Variants in NAALADL2 observed in about 807,000 individuals in gnomAD.
The protein encoded by NAALADL2 is N-acetylated alpha-linked acidic dipeptidase like 2, also known as inactive N-acetylated-alpha-linked acidic dipeptidase-like protein 2.
A neutral mutation model predicts 87.2 loss-of-function variants in NAALADL2; 76 were observed. The observed-to-expected ratio is 0.87, with a 90% CI of 0.72 to 1.05. NAALADL2 has a LOEUF of 1.05. Among genes scored for constraint, NAALADL2 ranks in the 50% least tolerant of loss-of-function variants. NAALADL2 has a pLI of 0.00. For synonymous variants in NAALADL2, 354 were observed against 331.0 expected (o/e 1.07, Z -0.75); for missense variants, 1,089 against 945.8 (o/e 1.15, Z -1.99).
At chr3:174,558,611 G>A (rs1379387201) in intron 2 of NAALADL2, among the ~76,000 whole-genome samples, 3 of 151,964 alleles carry the variant, frequency 2.0e-5, no homozygotes, top group South Asian at 2.1e-4. Flanking sequence ...AAAATCTAAC[G>A]CTGCCGCTGA....
intron 1 of NAALADL2, among the ~76,000 whole-genome samples, chr3:174,904,496 A>G (rs1029219948): frequency 1.3e-5 from 2 of 151,946 alleles, no homozygotes. Flanking sequence ...AAAAGTTCCT[A>G]TACATTACTA....
intron 6 of NAALADL2, chr3:175,459,964 C>A (rs926515970): frequency 1.6e-5 from 5 of 304,086 alleles, no homozygotes; most frequent in African/African-American, 4.5e-5. Flanking sequence ...ACATTTTTAA[C>A]AGCCACACAT....
intron 1 of NAALADL2, among the ~76,000 whole-genome samples, chr3:174,946,435 A>G (rs1739427386): frequency 6.6e-6 from 1 of 152,042 alleles, no homozygotes; most frequent in African/African-American, 2.4e-5. Context: ...TGTAATGTTT[A>G]TGTCATTCTG....
chr3:174,449,007 A>T (rs990618847), intron 1 of NAALADL2, among the ~76,000 whole-genome samples: 1 of 152,220 alleles, frequency 6.6e-6, no homozygotes, highest in Non-Finnish European at 1.5e-5. Context: ...TCAGTTCTAT[A>T]GGATAATTGG....
chr3:174,477,394 T>C (rs1403063138), intron 1 of NAALADL2, among the ~76,000 whole-genome samples: 3 of 152,012 alleles, frequency 2.0e-5, no homozygotes, highest in African/African-American at 7.2e-5. Flanking sequence ...GAAATGAAAA[T>C]AAAATCCATA....
At chr3:174,487,693 G>C (rs1386672873) in intron 1 of NAALADL2, among the ~76,000 whole-genome samples, 1 of 145,630 alleles carries the variant, frequency 6.9e-6, no homozygotes, top group Non-Finnish European at 1.5e-5. Context: ...TGGAGTAAGA[G>C]TGTTTTTTTT....
intron 3 of NAALADL2, among the ~76,000 whole-genome samples, chr3:174,759,983 G>A (rs1379645733): frequency 6.6e-6 from 1 of 152,194 alleles, no homozygotes; most frequent in Non-Finnish European, 1.5e-5. Flanking sequence ...ACAGGCATGA[G>A]CCACTGTGCT....
chr3:175,325,175 C>A (rs1468893541), intron 5 of NAALADL2, among the ~76,000 whole-genome samples: 1 of 151,944 alleles, frequency 6.6e-6, no homozygotes, highest in Admixed American at 6.6e-5. Context: ...CAAAAAATCG[C>A]AAAAGAATTT....
chr3:174,929,159 A>G (rs1736505506), intron 1 of NAALADL2, among the ~76,000 whole-genome samples: 1 of 152,210 alleles, frequency 6.6e-6, no homozygotes. Context: ...ATGCCAAAGC[A>G]CTAAGGCTGG....
chr3:174,982,172 G>A (rs1745212403), intron 1 of NAALADL2, among the ~76,000 whole-genome samples: 2 of 152,208 alleles, frequency 1.3e-5, no homozygotes, highest in Non-Finnish European at 2.9e-5. Context: ...GTGTTTGAAG[G>A]AGGCAGTTTT....
intron 10 of NAALADL2, among the ~76,000 whole-genome samples, chr3:175,607,581 G>T (rs568460419): frequency 9.2e-5 from 14 of 152,134 alleles, no homozygotes; most frequent in African/African-American, 3.4e-4. Context: ...ACTAGTTCCT[G>T]TTTTTTCAAG....
At chr3:175,787,640 C>T (rs1024166967) in intron 13 of NAALADL2, among the ~76,000 whole-genome samples, 1 of 152,120 alleles carries the variant, frequency 6.6e-6, no homozygotes, top group African/African-American at 2.4e-5. Flanking sequence ...GAACCCGGTA[C>T]CTCAGATGGA....
intron 1 of NAALADL2, among the ~76,000 whole-genome samples, chr3:175,011,263 G>GAGAGGGAGAGAGAGAGAGAGAGAGAGA (rs1560472148): frequency 1.1e-5 from 1 of 87,966 alleles, no homozygotes; most frequent in African/African-American, 4.9e-5. Context: ...AGAGAGAGAG[G>GAGAGGGAGAGAGAGAGAGAGAGAGAGA]GAGAGAGACA....
chr3:174,787,597 A>ATG (rs1716884968), intron 3 of NAALADL2, among the ~76,000 whole-genome samples: 4 of 75,720 alleles, frequency 5.3e-5, no homozygotes, highest in African/African-American at 1.8e-4. Flanking sequence ...ATATATATAT[A>ATG]TATATATATA....
chr3:175,223,137 G>A (rs557862250), intron 2 of NAALADL2, among the ~76,000 whole-genome samples: 1 of 128,258 alleles, frequency 7.8e-6, no homozygotes, highest in African/African-American at 2.7e-5. Context: ...TGTGTGGTAA[G>A]GACACTGTTC....
At chr3:174,785,026 A>G (rs1375521378) in intron 3 of NAALADL2, among the ~76,000 whole-genome samples, 2 of 151,832 alleles carry the variant, frequency 1.3e-5, no homozygotes, top group Admixed American at 1.3e-4. Context: ...TTTTGTTATA[A>G]TTTTATCTTT....
chr3:175,420,834 A>G (rs982289622), intron 5 of NAALADL2, among the ~76,000 whole-genome samples: 7 of 152,028 alleles, frequency 4.6e-5, no homozygotes, highest in Non-Finnish European at 1.0e-4. Context: ...AACTGGCAAT[A>G]AAACCAGTGA....
intron 1 of NAALADL2, among the ~76,000 whole-genome samples, chr3:174,538,197 C>T (rs1462002124): frequency 6.6e-6 from 1 of 152,090 alleles, no homozygotes; most frequent in African/African-American, 2.4e-5. Context: ...CTTTTAGATT[C>T]ACAATGAGAG....
At chr3:174,829,947 AC>A (rs1472048950) in intron 3 of NAALADL2, among the ~76,000 whole-genome samples, 5 of 137,386 alleles carry the variant, frequency 3.6e-5, no homozygotes, top group Non-Finnish European at 1.6e-5. Flanking sequence ...TCCTTTGCCC[AC>A]TTTTTGATGG....
Sources: allele counts gnomAD v4.1 joint callset (sites outside exome capture counted in the v4.1 genomes callset), GRCh38; gene constraint gnomAD v4.1.1; transcripts MANE v1.5; gene names NCBI Gene and HGNC (gene_info 2026-07-23, HGNC 2026-07-21).